The following ATP11C variants were observed in gnomAD, a reference collection of about 807,000 sequenced individuals.
ATP11C encodes the protein ATPase phospholipid transporting 11C (ATP11C blood group), also known as phospholipid-transporting ATPase IG.
In ATP11C, 36 loss-of-function variants were observed where a neutral mutation model predicts 97.4. The ratio of observed to expected loss-of-function variants is 0.37; its 90% CI spans 0.28 to 0.49. The LOEUF (loss-of-function observed/expected upper bound fraction) is 0.49. Ranked by LOEUF, ATP11C falls within the 20% of genes least tolerant of loss-of-function variation. ATP11C has a pLI of 0.98. For synonymous variants in ATP11C, 275 were observed against 290.9 expected, an observed-to-expected ratio of 0.95 and a Z score of 0.56; for missense variants, 730 against 824.6, an observed-to-expected ratio of 0.89 and a Z score of 1.40.
chrX:139,866,987 G>A (rs1054749408), intron 1 of ATP11C, among the ~76,000 whole-genome samples: 7 of 111,883 alleles, frequency 6.3e-5, no homozygotes, highest in Non-Finnish European at 1.1e-4. Flanking sequence ...TTGAGAGGCT[G>A]AGGTGGGAGG....
intron 3 of ATP11C, 81 bp from the exon 4 acceptor site, chrX:139,817,024 T>C: frequency 1.7e-6 from 1 of 582,495 alleles, no homozygotes; most frequent in Non-Finnish European, 2.7e-6. Context: ...TGCAAACATT[T>C]CAAACAGAAA....
At chrX:139,896,556 C>T (rs987866693) in intron 1 of ATP11C, among the ~76,000 whole-genome samples, 3 of 95,667 alleles carry the variant, frequency 3.1e-5, no homozygotes, top group African/African-American at 1.4e-4. Flanking sequence ...TACACACACA[C>T]ACACACACAC....
chrX:139,752,107 C>T (rs918751884), intron 23 of ATP11C, among the ~76,000 whole-genome samples: 21 of 111,449 alleles, frequency 1.9e-4, no homozygotes, highest in African/African-American at 2.3e-4. Context: ...TTTAAGATGT[C>T]GACGTTATTC....
rs1175807123 is a variant in ATP11C at position 139,924,305 on chromosome X, G to A, written c.27+7711C>T. 4 of 354,721 alleles carry A rather than the reference G, an allele frequency of 1.1e-5. No individual in the cohort carries two copies. In the East Asian group the frequency reaches 2.4e-4, roughly 21 times the overall value. 29.2% of individuals were successfully genotyped at this position (354,721 alleles called of 1,213,427 possible). A position where few individuals can be genotyped will look rare whatever the true frequency, so the allele number is the denominator to read the frequency against. On this transcript the variant is annotated intron_variant, in intron 1 of 29. Coordinates refer to ENST00000682941, the MANE Select transcript of ATP11C (RefSeq NM_001353812.2). ...GTGCTTTCAATGACAGTATGAAAAGGAATGACCCATAATCTAGAAGCATGG... is the reference window on the plus strand; with the variant it reads ...GTGCTTTCAATGACAGTATGAAAAGAAATGACCCATAATCTAGAAGCATGG...
At chrX:139,855,533 CCCCCT>C in intron 1 of ATP11C, among the ~76,000 whole-genome samples, 1 of 111,774 alleles carries the variant, frequency 8.9e-6, no homozygotes, top group East Asian at 2.8e-4. Context: ...GAAAGCGCCA[CCCCCT>C]CCAGAGTTGT....
chrX:139,745,020 A>G (rs2081649806), intron 25 of ATP11C, among the ~76,000 whole-genome samples: 1 of 111,830 alleles, frequency 8.9e-6, no homozygotes, highest in African/African-American at 3.2e-5. Context: ...AGAATGAATG[A>G]CCATAAAAGA....
chrX:139,826,981 C>T (rs1396242973), intron 1 of ATP11C, among the ~76,000 whole-genome samples, 158 bp from the exon 2 acceptor site: 1 of 112,289 alleles, frequency 8.9e-6, no homozygotes, highest in African/African-American at 3.2e-5. Flanking sequence ...ATCCATTAAG[C>T]TCTTACTTGC....
intron 1 of ATP11C, among the ~76,000 whole-genome samples, chrX:139,865,780 A>T (rs1264185275): frequency 9.0e-6 from 1 of 111,071 alleles, no homozygotes; most frequent in Non-Finnish European, 1.9e-5. Context: ...TAAATAAATA[A>T]ATAAATAAGA....
chrX:139,806,736 C>T lies in ATP11C; in HGVS notation c.427-2137G>A, dbSNP rs142021651. Among the ~76,000 whole-genome samples the T allele has an allele frequency of 4.3e-3, 483 of 111,549 alleles. 2 individuals are homozygous for T. Among genetic ancestry groups the T allele is most frequent in the Middle Eastern group, 0.033 (7 of 215 alleles). On this transcript the variant is annotated intron_variant, in intron 5 of 29. Coordinates refer to ENST00000682941, the MANE Select transcript of ATP11C (RefSeq NM_001353812.2). ...CATACAGGCAGGAGACCTAAAAGAA[C>T]CTTTCTCACTGGCACGGGCATACAG...
intron 1 of ATP11C, among the ~76,000 whole-genome samples, chrX:139,887,970 CA>C (rs751646437): frequency 1.3e-3 from 59 of 45,558 alleles, no homozygotes; most frequent in Middle Eastern, 0.014. Context: ...GACTCCGTCT[CA>C]AAAAAAAAAA....
rs1284871633 is a variant in ATP11C at position 139,916,390 on chromosome X, C to T, written c.27+15626G>A. Among the ~76,000 whole-genome samples, 4 of 111,325 alleles carry T rather than the reference C, an allele frequency of 3.6e-5. No individual in the cohort carries two copies. The East Asian group carries it at 8.4e-4, about 23-fold the overall frequency. On this transcript the variant is annotated intron_variant, in intron 1 of 29. Coordinates refer to ENST00000682941, the MANE Select transcript of ATP11C (RefSeq NM_001353812.2). ...GCACATATTATGTCAGGCAGTGAGG[C>T]ATTAGGGATATAGCAATGAGCAAAA...
At chrX:139,781,211 G>A (rs1252742027) in intron 18 of ATP11C, among the ~76,000 whole-genome samples, 2 of 112,039 alleles carry the variant, frequency 1.8e-5, no homozygotes, top group Non-Finnish European at 3.8e-5. Context: ...AATGAAATTA[G>A]ACTAAAGGAA....
intron 1 of ATP11C, among the ~76,000 whole-genome samples, chrX:139,878,927 A>G (rs1195012333): frequency 9.1e-6 from 1 of 110,453 alleles, no homozygotes; most frequent in East Asian, 2.9e-4. Context: ...CCTGGGCAAC[A>G]TATCAAGACT....
chrX:139,865,676 G>A lies in ATP11C; in HGVS notation c.28-38853C>T, dbSNP rs185904821. 1.6e-3 allele frequency among the ~76,000 whole-genome samples: 183 copies of A among 110,996 alleles called. 1 individual carries two copies. The highest frequency in any genetic ancestry group is 5.5e-3 in the African/African-American group (167 of 30,531). ...ACTCGGAGACTAAGGCAGTAGAATC[G>A]CTTGAACCCGGGAGGCGGAGGTTGC... On this transcript the variant is annotated intron_variant, in intron 1 of 29. Coordinates refer to ENST00000682941, the MANE Select transcript of ATP11C (RefSeq NM_001353812.2).
At chrX:139,763,046 G>A (rs2082068706) in intron 21 of ATP11C, among the ~76,000 whole-genome samples, 1 of 112,358 alleles carries the variant, frequency 8.9e-6, no homozygotes, top group South Asian at 3.7e-4. Context: ...AATCAATTGT[G>A]CTGCCAGTAG....
At chrX:139,890,412 G>T (rs1359532258) in intron 1 of ATP11C, among the ~76,000 whole-genome samples, 2 of 110,980 alleles carry the variant, frequency 1.8e-5, no homozygotes, top group Non-Finnish European at 3.8e-5. Context: ...CATGCCTGTG[G>T]TTCCAGCTAC....
intron 13 of ATP11C, 78 bp downstream of exon 13, chrX:139,789,248 TA>T: frequency 2.4e-6 from 2 of 836,961 alleles, no homozygotes; most frequent in East Asian, 3.4e-5. Flanking sequence ...TGTGTCCACC[TA>T]AAAATTATTT....
At chrX:139,846,376 T>G in intron 1 of ATP11C, among the ~76,000 whole-genome samples, 1 of 112,320 alleles carries the variant, frequency 8.9e-6, no homozygotes. Context: ...ATGGAGTATA[T>G]CTGATAACTA....
intron 19 of ATP11C, among the ~76,000 whole-genome samples, chrX:139,773,193 G>A (rs1459753489): frequency 9.0e-6 from 1 of 111,585 alleles, no homozygotes; most frequent in Non-Finnish European, 1.9e-5. Flanking sequence ...TCGCTGTCAT[G>A]TAAGAGGTGC....
Sources: allele counts gnomAD v4.1 joint callset (sites outside exome capture counted in the v4.1 genomes callset), GRCh38; gene constraint gnomAD v4.1.1; transcripts MANE v1.5; gene names NCBI Gene and HGNC (gene_info 2026-07-23, HGNC 2026-07-21).